ATP2C2: variants seen among roughly 807,000 people sequenced by gnomAD.
ATP2C2 encodes calcium-transporting ATPase type 2C member 2.
ATP2C2 carries 171 observed loss-of-function variants against 110.8 expected under a neutral mutation model. The ratio of observed to expected loss-of-function variants is 1.54; its 90% CI spans 1.36 to 1.75. The LOEUF is 1.75. ATP2C2 is among the 40% of genes most tolerant of loss of function. The pLI, the probability that ATP2C2 is intolerant of heterozygous loss-of-function variation, is 0.00. For synonymous variants in ATP2C2, 804 were observed against 508.4 expected (o/e 1.58, Z -7.82); for missense variants, 1,963 against 1,235.0 (o/e 1.59, Z -8.84).
intron 15 of ATP2C2, among the ~76,000 whole-genome samples, chr16:84,445,218 T>TC (rs994575750): frequency 6.6e-6 from 1 of 151,532 alleles, no homozygotes; most frequent in African/African-American, 2.4e-5. Context: ...CTCTTTTTTT[T>TC]TTTTTTTTGA....
chr16:84,428,859 C>T (rs140225781), intron 11 of ATP2C2, among the ~76,000 whole-genome samples: 88 of 152,278 alleles, frequency 5.8e-4, no homozygotes, highest in African/African-American at 1.9e-3. Flanking sequence ...TATAAATGAG[C>T]GGAGATGTAT....
At chr16:84,401,222 CTT>C (rs55635029) in intron 2 of ATP2C2, among the ~76,000 whole-genome samples, 5 of 121,584 alleles carry the variant, frequency 4.1e-5, no homozygotes, top group East Asian at 2.4e-4. Flanking sequence ...AGTCTTTAAT[CTT>C]TTTTTTTTTT....
At chr16:84,431,601 G>T (rs980120559) in intron 11 of ATP2C2, among the ~76,000 whole-genome samples, 11 of 152,052 alleles carry the variant, frequency 7.2e-5, no homozygotes, top group Non-Finnish European at 1.6e-4. Flanking sequence ...AGGGTGTTCA[G>T]GCAGGGGGAA....
At chr16:84,461,348 A>C (rs1438617366) in intron 24 of ATP2C2, 1 of 346,280 alleles carries the variant, frequency 2.9e-6, no homozygotes, top group Non-Finnish European at 5.3e-6. Context: ...TTTTCCCTCC[A>C]GCTCTCCCTC....
At chr16:84,424,045 C>A (rs933933774) in intron 10 of ATP2C2, among the ~76,000 whole-genome samples, 1 of 152,118 alleles carries the variant, frequency 6.6e-6, no homozygotes, top group Non-Finnish European at 1.5e-5. Flanking sequence ...CATGCCTGGC[C>A]CCTAATAGAT....
chr16:84,463,207 AT>A (rs753834141), intron 26 of ATP2C2, among the ~76,000 whole-genome samples: 15,266 of 45,234 alleles, frequency 0.34, 1,077 homozygotes, highest in Non-Finnish European at 0.38. Flanking sequence ...CCCAGGGAAC[AT>A]GTCGCTGGGA....
intron 15 of ATP2C2, among the ~76,000 whole-genome samples, chr16:84,444,424 G>A (rs1327084720): frequency 6.6e-6 from 1 of 151,934 alleles, no homozygotes; most frequent in South Asian, 2.1e-4. Flanking sequence ...AGTGAGCCGA[G>A]ATCGTACCAT....
Position 84,423,263 on chromosome 16 carries a change from G to A in ATP2C2, c.919G>A (p.Gly307Ser), listed in dbSNP as rs770472116. Residue 307 changes from glycine to serine, a missense_variant and splice_region_variant, in exon 10 of 27, where the codon GGT becomes AGT. Coordinates refer to ENST00000262429, the MANE Select transcript of ATP2C2 (RefSeq NM_014861.4). ...QLTLFSFGIIGLIMLIGWSQG... is the reference protein window; with the variant it reads ...QLTLFSFGIISLIMLIGWSQG... ...GACACTCTTCTCCTTTGGCATAATC[G>A]GTGAGTGAAGCAGTTTCCATACTGG... is the stretch of plus-strand genomic sequence containing the variant. The A allele has an allele frequency of 3.4e-5, 55 of 1,613,316 alleles. 1 individual carries two copies. In the South Asian group the frequency reaches 4.7e-4, roughly 14 times the overall value.
Position 84,398,493 on chromosome 16 carries a change from T to C in ATP2C2, c.100-6T>C. Reference sequence around the variant, plus strand: ...CCGCTAAACAGCAACCCTGCTCTTTTCACAGATTGATGAACAGAGTGAGCT... The same window carrying C: ...CCGCTAAACAGCAACCCTGCTCTTTCCACAGATTGATGAACAGAGTGAGCT... On this transcript the variant is annotated splice_polypyrimidine_tract_variant and splice_region_variant and intron_variant, in intron 1 of 26. Transcript: ENST00000262429. 1 of 1,596,892 alleles carries C rather than the reference T, an allele frequency of 6.3e-7. No individual in the cohort carries two copies. Among genetic ancestry groups the C allele is most frequent in the African/African-American group, 1.4e-5 (1 of 73,654 alleles).
At chr16:84,438,575 T>G (rs983267029) in intron 11 of ATP2C2, among the ~76,000 whole-genome samples, 4 of 151,906 alleles carry the variant, frequency 2.6e-5, no homozygotes, top group African/African-American at 7.3e-5. Context: ...TATGAGAGAG[T>G]GGGGTCGCAC....
intron 16 of ATP2C2, among the ~76,000 whole-genome samples, chr16:84,446,815 G>T: frequency 6.6e-6 from 1 of 152,298 alleles, no homozygotes; most frequent in Non-Finnish European, 1.5e-5. Context: ...CTGTAATCCA[G>T]TGACTGAGGC....
intron 13 of ATP2C2, among the ~76,000 whole-genome samples, chr16:84,439,826 C>T (rs542911644): frequency 6.6e-6 from 1 of 152,062 alleles, no homozygotes; most frequent in African/African-American, 2.4e-5. Context: ...GTGATTAGTC[C>T]ATTTGTGGTT....
In ATP2C2 at chr16:84,419,862, A is replaced by G. The variant is rs188885738; in HGVS notation, c.625-2528A>G. Among the ~76,000 whole-genome samples, 741 of 152,298 alleles carry G rather than the reference A, an allele frequency of 4.9e-3. 6 individuals are homozygous for G. Among genetic ancestry groups the G allele is most frequent in the African/African-American group, 0.017 (711 of 41,560 alleles). ...CTGTTCCAGGACTGCTAAGGGACCC[A>G]TGAGTGGAAGTACTGGGAATCCTGG... is the stretch of plus-strand genomic sequence containing the variant. On this transcript the variant is annotated intron_variant, in intron 7 of 26. Transcript: ENST00000262429.
At position 84,459,282 on chromosome 16, in the gene ATP2C2, C is replaced by T. The variant is rs1318010477; in HGVS notation, c.2229C>T (p.Ala743=). 5 of 1,614,082 alleles carry T rather than the reference C, an allele frequency of 3.1e-6. No homozygotes were observed. In the East Asian group the frequency reaches 8.9e-5, roughly 29 times the overall value. The change falls in exon 23 of 27, where the codon GCC becomes GCT. Residue 743 remains alanine, a synonymous_variant. Transcript: ENST00000262429. ...VRFQLSTSIS[A]LSLITLSTVF... ...GTGTGCCCCGCAGGAGCATCTCCGCCCTGAGTCTCATCACTCTGTCCACCG... is the reference window on the plus strand; with the variant it reads ...GTGTGCCCCGCAGGAGCATCTCCGCTCTGAGTCTCATCACTCTGTCCACCG...
intron 1 of ATP2C2, among the ~76,000 whole-genome samples, chr16:84,372,683 C>G (rs991776294): frequency 6.6e-6 from 1 of 152,080 alleles, no homozygotes; most frequent in Non-Finnish European, 1.5e-5. Context: ...CTCAGCCTCC[C>G]AAAGTGCTGG....
chr16:84,441,733 C>G (rs1043382068), intron 14 of ATP2C2, among the ~76,000 whole-genome samples: 3 of 152,160 alleles, frequency 2.0e-5, no homozygotes, highest in Admixed American at 1.3e-4. Flanking sequence ...CCAGCCTGGC[C>G]CACGTGGTGA....
intron 8 of ATP2C2, 31 bp from the exon 9 acceptor site, chr16:84,422,598 G>C: frequency 6.2e-7 from 1 of 1,611,370 alleles, no homozygotes; most frequent in Non-Finnish European, 8.5e-7. Context: ...CCAGCCCTTA[G>C]ATTTCATACT....
chr16:84,439,388 G>A, intron 12 of ATP2C2, 39 bp from the exon 13 acceptor site: 1 of 1,582,170 alleles, frequency 6.3e-7, no homozygotes, highest in Non-Finnish European at 8.6e-7. Flanking sequence ...GCCTGAGGAT[G>A]GCAACTTCTC....
chr16:84,449,552 G>T (rs1419248114), intron 17 of ATP2C2, among the ~76,000 whole-genome samples: 1 of 152,152 alleles, frequency 6.6e-6, no homozygotes, highest in Non-Finnish European at 1.5e-5. Context: ...TGGAAGAGAC[G>T]GTGAATCCCA....
Sources: allele counts gnomAD v4.1 joint callset (sites outside exome capture counted in the v4.1 genomes callset), GRCh38; gene constraint gnomAD v4.1.1; transcripts MANE v1.5; gene names NCBI Gene and HGNC (gene_info 2026-07-23, HGNC 2026-07-21).